The following ABCA12 variants were observed in gnomAD, a reference collection of about 807,000 sequenced individuals.
ABCA12 encodes the protein ATP binding cassette subfamily A member 12, also known as glucosylceramide transporter ABCA12.
ABCA12 carries 156 observed loss-of-function variants against 293.5 expected under a neutral mutation model. The ratio of observed to expected loss-of-function variants is 0.53; its 90% CI spans 0.47 to 0.61. The LOEUF (loss-of-function observed/expected upper bound fraction) is 0.61, where lower values mean the gene tolerates loss of function less well. ABCA12 is among the 20% of genes least tolerant of loss of function. The pLI is 0.00. For synonymous variants in ABCA12, 1,063 were observed against 1,108.0 expected, an observed-to-expected ratio of 0.96 and a Z score of 0.81; for missense variants, 2,797 against 3,090.2, an observed-to-expected ratio of 0.91 and a Z score of 2.25.
chr2:215,025,628 G>GTTTTTTTTTGTTTTTTTTTT, intron 11 of ABCA12, 45 bp downstream of exon 11: 1 of 1,203,814 alleles, frequency 8.3e-7, no homozygotes, highest in Non-Finnish European at 1.2e-6. Context: ...TTGTCTTTTT[G>GTTTTTTTTTGTTTTTTTTTT]TTTTTTTTTT....
At chr2:214,980,286 A>T (rs2105963734) in intron 31 of ABCA12, among the ~76,000 whole-genome samples, 197 bp downstream of exon 31, 1 of 152,298 alleles carries the variant, frequency 6.6e-6, no homozygotes, top group Non-Finnish European at 1.5e-5. Context: ...ACAGGATCAG[A>T]CACTCTTGGG....
intron 11 of ABCA12, 73 bp downstream of exon 11, chr2:215,025,600 G>GA: frequency 1.2e-6 from 1 of 839,998 alleles, no homozygotes; most frequent in Non-Finnish European, 1.8e-6. Flanking sequence ...AAGTGTTAAG[G>GA]TTTTTTTTTT....
intron 1 of ABCA12, among the ~76,000 whole-genome samples, chr2:215,117,308 G>C (rs775997941): frequency 6.6e-6 from 1 of 152,162 alleles, no homozygotes; most frequent in Non-Finnish European, 1.5e-5. Context: ...TTGCATGCAA[G>C]TGTTGAGGTT....
chr2:214,957,850 A>AT (rs1412705231), intron 41 of ABCA12, among the ~76,000 whole-genome samples: 1 of 152,206 alleles, frequency 6.6e-6, no homozygotes, highest in Non-Finnish European at 1.5e-5. Flanking sequence ...AGTTGATTAA[A>AT]TTTTTATAAG....
chr2:215,124,287 C>A (rs1702873574), intron 1 of ABCA12, among the ~76,000 whole-genome samples: 1 of 152,062 alleles, frequency 6.6e-6, no homozygotes, highest in African/African-American at 2.4e-5. Flanking sequence ...GTGCAAGTAC[C>A]TTTTCGAATA....
intron 46 of ABCA12, 111 bp downstream of exon 46, chr2:214,948,929 C>G (rs533033267): frequency 8.6e-7 from 1 of 1,160,196 alleles, no homozygotes; most frequent in South Asian, 1.3e-5. Flanking sequence ...GCTTTGTTCT[C>G]CCCTAAGGAC....
rs1484502066 is a variant in ABCA12 at position 214,959,097 on chromosome 2, C to A, written c.5885-19G>T. 1.2e-6 allele frequency: 2 copies of A among 1,608,200 alleles called. No individual in the cohort carries two copies. Among genetic ancestry groups the A allele is most frequent in the East Asian group, 2.2e-5 (1 of 44,836 alleles). The stretch of plus-strand genomic sequence containing the variant: ...ATGATGCCTTAAAGACGAAACAGTT[C>A]TTCTATTAGTAGGTATTCAGTTAAT... On this transcript the variant is annotated intron_variant, in intron 39 of 52. Transcript: ENST00000272895.
chr2:214,938,686 G>A (rs1427383235), intron 50 of ABCA12, among the ~76,000 whole-genome samples: 1 of 152,138 alleles, frequency 6.6e-6, no homozygotes, highest in Non-Finnish European at 1.5e-5. Flanking sequence ...ATGTCATGGT[G>A]GCTTTGGTTT....
chr2:215,136,070 G>T (rs955078929), intron 1 of ABCA12, among the ~76,000 whole-genome samples: 1 of 152,062 alleles, frequency 6.6e-6, no homozygotes, highest in Non-Finnish European at 1.5e-5. Flanking sequence ...GACTTTCTCT[G>T]ACCTCACTCT....
rs544562093 is a variant in ABCA12 at position 214,934,373 on chromosome 2, T to C, written c.7543-158A>G. ...ACGAGTATATTTTGAAACTAACAGCTTGCAAAGATGAGATGAAAGTTTTGT... is the reference window on the plus strand; with the variant it reads ...ACGAGTATATTTTGAAACTAACAGCCTGCAAAGATGAGATGAAAGTTTTGT... On this transcript the variant is annotated intron_variant, in intron 51 of 52. Coordinates refer to ENST00000272895, the MANE Select transcript of ABCA12 (RefSeq NM_173076.3). Among the ~76,000 whole-genome samples the C allele has an allele frequency of 5.3e-5, 8 of 152,282 alleles. No homozygotes were observed. In the South Asian group the frequency reaches 1.7e-3, roughly 32 times the overall value.
intron 2 of ABCA12, among the ~76,000 whole-genome samples, chr2:215,074,571 C>T (rs1239482834): frequency 6.6e-6 from 1 of 152,074 alleles, no homozygotes; most frequent in African/African-American, 2.4e-5. Context: ...AGGTTGGCCA[C>T]AAATTTGGAT....
chr2:215,077,089 G>A (rs1339821377), intron 2 of ABCA12, among the ~76,000 whole-genome samples: 2 of 152,060 alleles, frequency 1.3e-5, no homozygotes, highest in East Asian at 1.9e-4. Flanking sequence ...TTACACAGGG[G>A]CCTCCAAGGT....
At position 215,050,760 on chromosome 2, in the gene ABCA12, C is replaced by T. The variant is rs554259844; in HGVS notation, c.508-949G>A. The stretch of plus-strand genomic sequence containing the variant: ...GTGTTAGGCCTTCTAGTCATTCATC[C>T]GTATCTCTCTTCTAACATTCCACAT... On this transcript the variant is annotated intron_variant, in intron 5 of 52. Coordinates refer to ENST00000272895, the MANE Select transcript of ABCA12 (RefSeq NM_173076.3). 83 of 982,350 alleles carry T rather than the reference C, an allele frequency of 8.4e-5. 1 individual carries two copies. In the South Asian group the frequency reaches 3.2e-3, roughly 37 times the overall value. 60.9% of individuals were successfully genotyped at this position (982,350 alleles called of 1,614,324 possible).
At chr2:215,029,076 A>G (rs960361970) in intron 9 of ABCA12, 9 of 152,180 alleles carry the variant, frequency 5.9e-5, no homozygotes, top group Non-Finnish European at 1.3e-4. Flanking sequence ...AGAATAATCC[A>G]TCTATTTTAT....
intron 11 of ABCA12, among the ~76,000 whole-genome samples, chr2:215,023,840 G>A (rs1700682850): frequency 6.6e-6 from 1 of 152,200 alleles, no homozygotes; most frequent in South Asian, 2.1e-4. Flanking sequence ...CACTGTCACT[G>A]GAGATGTCAT....
At chr2:215,076,499 A>C (rs1402536361) in intron 2 of ABCA12, among the ~76,000 whole-genome samples, 4 of 152,196 alleles carry the variant, frequency 2.6e-5, no homozygotes. Flanking sequence ...TCAGATTGGC[A>C]AAAGTTTAAA....
intron 44 of ABCA12, among the ~76,000 whole-genome samples, chr2:214,951,937 T>C (rs1698787345): frequency 6.6e-6 from 1 of 152,144 alleles, no homozygotes; most frequent in South Asian, 2.1e-4. Flanking sequence ...ATGAATACTA[T>C]TGTTATTCTG....
intron 1 of ABCA12, among the ~76,000 whole-genome samples, chr2:215,119,957 A>G (rs1702771150): frequency 6.6e-6 from 1 of 152,158 alleles, no homozygotes; most frequent in Non-Finnish European, 1.5e-5. Flanking sequence ...TCATTATACC[A>G]AAAAGATACA....
chr2:215,081,909 G>A (rs935268325), intron 2 of ABCA12, among the ~76,000 whole-genome samples: 2 of 152,196 alleles, frequency 1.3e-5, no homozygotes, highest in African/African-American at 4.8e-5. Context: ...ATTGGGGATT[G>A]CGTTTTGTTA....
Sources: allele counts gnomAD v4.1 joint callset (sites outside exome capture counted in the v4.1 genomes callset), GRCh38; gene constraint gnomAD v4.1.1; transcripts MANE v1.5; gene names NCBI Gene and HGNC (gene_info 2026-07-23, HGNC 2026-07-21).